Variants in MYO3B observed in about 807,000 individuals in gnomAD.
The protein encoded by MYO3B is myosin-IIIb.
MYO3B carries 156 observed loss-of-function variants against 174.6 expected under a neutral mutation model. That is an observed-to-expected ratio of 0.89 (90% CI 0.78 to 1.02). The LOEUF (loss-of-function observed/expected upper bound fraction) is 1.02, where lower values mean the gene tolerates loss of function less well. Among genes scored for constraint, MYO3B ranks in the 50% least tolerant of loss-of-function variants. The pLI is 0.00. For missense variants in MYO3B, 1,632 were observed against 1,639.4 expected (o/e 1.00, Z 0.08); for synonymous variants, 563 against 569.1 (o/e 0.99, Z 0.15).
intron 7 of MYO3B, among the ~76,000 whole-genome samples, chr2:170,329,990 T>C (rs1449817038): frequency 6.6e-6 from 1 of 152,188 alleles, no homozygotes; most frequent in Non-Finnish European, 1.5e-5. Flanking sequence ...AATAGAATGT[T>C]TTTTTAACAC....
chr2:170,435,866 A>G (rs2094749778), intron 22 of MYO3B, among the ~76,000 whole-genome samples: 1 of 152,196 alleles, frequency 6.6e-6, no homozygotes, highest in South Asian at 2.1e-4. Flanking sequence ...ACTGAATTCT[A>G]TGTTTGATTA....
At chr2:170,188,631 T>A (rs2092500133) in intron 1 of MYO3B, among the ~76,000 whole-genome samples, 2 of 152,128 alleles carry the variant, frequency 1.3e-5, no homozygotes, top group Admixed American at 1.3e-4. Flanking sequence ...ATCTGTTATG[T>A]TTTTTGATTT....
At chr2:170,217,241 T>C in intron 5 of MYO3B, 78 bp from the exon 6 acceptor site, 2 of 1,280,718 alleles carry the variant, frequency 1.6e-6, no homozygotes, top group Non-Finnish European at 1.1e-6. Context: ...TATTTGGCCT[T>C]TGTGGAAAAA....
intron 23 of MYO3B, among the ~76,000 whole-genome samples, chr2:170,461,772 G>GA (rs796114644): frequency 9.7e-5 from 3 of 30,870 alleles, no homozygotes; most frequent in African/African-American, 3.5e-4. Context: ...GTGAAACTCC[G>GA]TTTAAAAAAA....
chr2:170,422,873 A>T (rs765972505), intron 22 of MYO3B, among the ~76,000 whole-genome samples: 1 of 151,988 alleles, frequency 6.6e-6, no homozygotes, highest in African/African-American at 2.4e-5. Flanking sequence ...CCAATATAAA[A>T]GTTATTGAAA....
intron 32 of MYO3B, among the ~76,000 whole-genome samples, chr2:170,635,832 A>G (rs1177396857): frequency 6.6e-6 from 1 of 152,186 alleles, no homozygotes; most frequent in African/African-American, 2.4e-5. Context: ...AGAGAAAATG[A>G]ATTTAATCAA....
chr2:170,496,811 A>G (rs1356170212), intron 25 of MYO3B, among the ~76,000 whole-genome samples: 1 of 151,800 alleles, frequency 6.6e-6, no homozygotes, highest in Non-Finnish European at 1.5e-5. Context: ...AATTTTTTGC[A>G]GCGACTGGAT....
intron 25 of MYO3B, among the ~76,000 whole-genome samples, chr2:170,495,381 C>G (rs1686799437): frequency 6.6e-6 from 1 of 152,188 alleles, no homozygotes; most frequent in Non-Finnish European, 1.5e-5. Context: ...AGATATGTCA[C>G]TTACATGTTT....
chr2:170,634,635 A>G lies in MYO3B; in HGVS notation c.3734-16993A>G, dbSNP rs534925925. Reference sequence around the variant, plus strand: ...TTGACAAATGGGATCTAATTAAACTAAAGAGCTTCTGCACAGCAAAAGAAA... The same window carrying G: ...TTGACAAATGGGATCTAATTAAACTGAAGAGCTTCTGCACAGCAAAAGAAA... On this transcript the variant is annotated intron_variant, in intron 32 of 34. Coordinates refer to ENST00000408978, the MANE Select transcript of MYO3B (RefSeq NM_138995.5). Among the ~76,000 whole-genome samples, 200 of 152,334 alleles carry G rather than the reference A, an allele frequency of 1.3e-3. 1 individual carries two copies. The highest frequency in any genetic ancestry group is 2.1e-3 in the Non-Finnish European group (142 of 68,034).
At chr2:170,454,233 T>C (rs1683779636) in intron 23 of MYO3B, among the ~76,000 whole-genome samples, 1 of 152,170 alleles carries the variant, frequency 6.6e-6, no homozygotes, top group African/African-American at 2.4e-5. Context: ...ACCAAGACTC[T>C]TCTTACTCAT....
At chr2:170,400,945 A>G (rs1467742662) in intron 17 of MYO3B, among the ~76,000 whole-genome samples, 1 of 152,098 alleles carries the variant, frequency 6.6e-6, no homozygotes, top group Non-Finnish European at 1.5e-5. Context: ...TTTTAAAAAA[A>G]TCATCTACAA....
In MYO3B at chr2:170,498,688, A is replaced by G. The variant is rs6761297; in HGVS notation, c.3111A>G (p.Val1037=). Residue 1037 remains valine, a synonymous_variant, in exon 26 of 35, where the codon GTA becomes GTG. Coordinates refer to ENST00000408978, the MANE Select transcript of MYO3B (RefSeq NM_138995.5). ...AAAAGTCCAGATTAGATCACTGGGT[A>G]CTGGGAAAAACAAAGGTAGTTCGTT... ...ILEKSRLDHW[V]LGKTKVFLKY... 1,602,901 of 1,609,982 alleles carry G rather than the reference A, an allele frequency of 1. 798,051 individuals are homozygous for G. The highest frequency in any genetic ancestry group is 1 in the Non-Finnish European group (1,175,948 of 1,176,342).
intron 32 of MYO3B, among the ~76,000 whole-genome samples, chr2:170,604,634 C>T (rs1694704160): frequency 6.6e-6 from 1 of 152,136 alleles, no homozygotes; most frequent in African/African-American, 2.4e-5. Flanking sequence ...AAAGAACATT[C>T]TTCAGTGACT....
At chr2:170,651,757 G>A (rs1699024694) in intron 33 of MYO3B, 23 bp downstream of exon 33, 1 of 1,586,938 alleles carries the variant, frequency 6.3e-7, no homozygotes, top group African/African-American at 1.3e-5. Context: ...TGGCCGTAAA[G>A]CTGTTTCACT....
rs952756468 is a variant in MYO3B at position 170,426,959 on chromosome 2, A to G, written c.2651-17008A>G. Among the ~76,000 whole-genome samples the G allele has an allele frequency of 2.0e-4, 30 of 152,108 alleles. 1 individual carries two copies. The highest frequency in any genetic ancestry group is 7.0e-4 in the African/African-American group (29 of 41,428). The stretch of plus-strand genomic sequence containing the variant: ...GCTTGAACTGGGAGGCGGAGGATGC[A>G]GTCAGCCGAGATTGCGCCATTGCAC... On this transcript the variant is annotated intron_variant, in intron 22 of 34. Transcript: ENST00000408978.
intron 32 of MYO3B, among the ~76,000 whole-genome samples, chr2:170,555,267 A>G (rs191840122): frequency 6.6e-6 from 1 of 152,280 alleles, no homozygotes; most frequent in African/African-American, 2.4e-5. Context: ...ATGAGCCCAT[A>G]TTGATACACT....
intron 25 of MYO3B, 133 bp from the exon 26 acceptor site, chr2:170,498,459 C>A: frequency 1.6e-6 from 1 of 617,254 alleles, no homozygotes; most frequent in Non-Finnish European, 2.9e-6. Context: ...CTTTTACTAC[C>A]TACTATGCTA....
intron 8 of MYO3B, among the ~76,000 whole-genome samples, chr2:170,357,686 C>T (rs939954113): frequency 5.9e-5 from 9 of 151,928 alleles, no homozygotes; most frequent in South Asian, 2.1e-4. Context: ...AATTTGCATA[C>T]GTTGGTAGGA....
chr2:170,288,498 G>T (rs1331169837), intron 7 of MYO3B, among the ~76,000 whole-genome samples: 11 of 151,856 alleles, frequency 7.2e-5, no homozygotes, highest in Admixed American at 7.2e-4. Context: ...TTATAAATGG[G>T]ATTGCTTTCT....
Sources: allele counts gnomAD v4.1 joint callset (sites outside exome capture counted in the v4.1 genomes callset), GRCh38; gene constraint gnomAD v4.1.1; transcripts MANE v1.5; gene names NCBI Gene and HGNC (gene_info 2026-07-23, HGNC 2026-07-21).